DDI2: variants seen among roughly 807,000 people sequenced by gnomAD.
The protein encoded by DDI2 is DDI proteasomal shuttling factor 2, also known as protein DDI1 homolog 2.
A neutral mutation model predicts 48.1 loss-of-function variants in DDI2; 5 were observed. The ratio of observed to expected loss-of-function variants is 0.10; its 90% CI spans 0.05 to 0.22. The LOEUF is 0.22. Ranked by LOEUF, DDI2 falls within the 10% of genes least tolerant of loss-of-function variation. The pLI is 1.00. For synonymous variants in DDI2, 205 were observed against 183.6 expected, an observed-to-expected ratio of 1.12 and a Z score of -0.94; for missense variants, 285 against 506.2, an observed-to-expected ratio of 0.56 and a Z score of 4.19.
In DDI2 at chr1:15,630,475, A is replaced by G; in HGVS notation, c.419A>G (p.Asp140Gly). Residue 140 changes from aspartate (D) to glycine (G), a missense_variant, in exon 3 of 10, where the codon GAT (aspartate) becomes GGT (glycine). Physicochemically the swap from Asp to Gly is moderately conservative, Grantham distance 94. Coordinates refer to ENST00000480945, the MANE Select transcript of DDI2 (RefSeq NM_032341.5). ...QGLDNPALLR[D>G]MLLANPHELS... ...TTGGACAATCCAGCCTTGCTCCGAGATATGTTGCTGGCCAACCCGCATGAG... is the reference window on the plus strand; with the variant it reads ...TTGGACAATCCAGCCTTGCTCCGAGGTATGTTGCTGGCCAACCCGCATGAG... 1 of 1,614,156 alleles carries G rather than the reference A, an allele frequency of 6.2e-7. No individual in the cohort carries two copies. The highest frequency in any genetic ancestry group is 8.5e-7 in the Non-Finnish European group (1 of 1,180,038).
Position 15,625,054 on chromosome 1 carries a change from G to A in DDI2, c.139-1615G>A, listed in dbSNP as rs115280263. 8.7e-3 allele frequency among the ~76,000 whole-genome samples: 1,330 copies of A among 152,254 alleles called. 18 individuals are homozygous for A. The highest frequency in any genetic ancestry group is 0.029 in the African/African-American group (1,218 of 41,544). On this transcript the variant is annotated intron_variant, in intron 1 of 9. Coordinates refer to ENST00000480945, the MANE Select transcript of DDI2 (RefSeq NM_032341.5). ...CTCATTTTCCTGTTCTGTTCCTCAT[G>A]TCTATAAATTCTGAGAGCAGATATG... is the stretch of plus-strand genomic sequence containing the variant.
chr1:15,653,041 A>T lies in DDI2; in HGVS notation c.1183+1146A>T, dbSNP rs193147784. Among the ~76,000 whole-genome samples the T allele has an allele frequency of 3.8e-4, 58 of 152,028 alleles. 1 individual carries two copies. Among genetic ancestry groups the T allele is most frequent in the African/African-American group, 1.4e-3 (57 of 41,396 alleles). ...AAACATTCTGTTTTTTAGTATTTCA[A>T]CAGATTAAGAACAGCTCAGTCCATT... On this transcript the variant is annotated intron_variant, in intron 8 of 9. Transcript: ENST00000480945.
In DDI2 at chr1:15,667,456, A is replaced by G. The variant is rs1640471505; in HGVS notation, c.*7666A>G. 6.6e-6 allele frequency: 1 copy of G among 152,208 alleles called. No individual in the cohort carries two copies. Among genetic ancestry groups the G allele is most frequent in the African/African-American group, 2.4e-5 (1 of 41,450 alleles). The allele number at this position is 152,208 out of a possible 1,614,324, so 9.4% of individuals were successfully genotyped here. On this transcript the variant is annotated 3_prime_UTR_variant, in exon 10 of 10. Transcript: ENST00000480945. The stretch of plus-strand genomic sequence containing the variant: ...GAGTGTGCGGCAGCATCCTCCTCAC[A>G]TCCCTTTGTGAGCACGGCTGCTCCG...
chr1:15,651,732 A>G lies in DDI2; in HGVS notation c.1020A>G (p.Val340=). Residue 340 remains valine, a synonymous_variant, in exon 8 of 10, where the codon GTA becomes GTG. Transcript: ENST00000480945. ...GTTCCATCGACCTGAAGAAAAATGT[A>G]CTCGTGATCGGCACCACAGGCTCCC... is the stretch of plus-strand genomic sequence containing the variant. ...HQCSIDLKKN[V]LVIGTTGSQT... The G allele has an allele frequency of 1.9e-6, 3 of 1,609,894 alleles. No individual in the cohort carries two copies. Among genetic ancestry groups the G allele is most frequent in the African/African-American group, 2.7e-5 (2 of 74,776 alleles).
In DDI2 at chr1:15,660,826, C is replaced by T; in HGVS notation, c.*1036C>T. Reference sequence around the variant, plus strand: ...GCCCCCAGAAACTAATGTTGAAATACCTGGAACAAATAAAGAATATGGCCA... The same window carrying T: ...GCCCCCAGAAACTAATGTTGAAATATCTGGAACAAATAAAGAATATGGCCA... On this transcript the variant is annotated 3_prime_UTR_variant, in exon 10 of 10. Coordinates refer to ENST00000480945, the MANE Select transcript of DDI2 (RefSeq NM_032341.5). 6.2e-7 allele frequency: 1 copy of T among 1,614,104 alleles called. No homozygotes were observed. Among genetic ancestry groups the T allele is most frequent in the Non-Finnish European group, 8.5e-7 (1 of 1,180,018 alleles).
At position 15,665,529 on chromosome 1, in the gene DDI2, C is replaced by T. The variant is rs1368304636; in HGVS notation, c.*5739C>T. The T allele has an allele frequency of 2.0e-5, 3 of 152,124 alleles. No individual in the cohort carries two copies. Among genetic ancestry groups the T allele is most frequent in the Non-Finnish European group, 4.4e-5 (3 of 68,036 alleles). 9.4% of individuals were successfully genotyped at this position (152,124 alleles called of 1,614,324 possible). A position where few individuals can be genotyped will look rare whatever the true frequency, so the allele number is the denominator to read the frequency against. ...GAATCTGCTGGTTGTCTTACTACAG[C>T]TTTCTATCTCCGGTGAAAGCCATAA... On this transcript the variant is annotated 3_prime_UTR_variant, in exon 10 of 10. Coordinates refer to ENST00000480945, the MANE Select transcript of DDI2 (RefSeq NM_032341.5).
chr1:15,641,269 C>T (rs1640003872), intron 5 of DDI2, among the ~76,000 whole-genome samples: 1 of 151,660 alleles, frequency 6.6e-6, no homozygotes, highest in African/African-American at 2.4e-5. Flanking sequence ...GTCAGGAGTT[C>T]AAGACCAGCC....
chr1:15,653,708 G>C (rs1473064888), intron 8 of DDI2, among the ~76,000 whole-genome samples: 1 of 151,994 alleles, frequency 6.6e-6, no homozygotes, highest in African/African-American at 2.4e-5. Context: ...TGTTGCCCAG[G>C]CTGGTCTTGA....
rs1640451619 is a variant in DDI2 at position 15,666,318 on chromosome 1, A to C, written c.*6528A>C. ...TCAAATTTTGGTGGGGAATGAGAGG[A>C]GTATTAGGGGAAAGTTTGAAAATAG... On this transcript the variant is annotated 3_prime_UTR_variant, in exon 10 of 10. Coordinates refer to ENST00000480945, the MANE Select transcript of DDI2 (RefSeq NM_032341.5). 6.6e-6 allele frequency: 1 copy of C among 152,028 alleles called. No individual in the cohort carries two copies. Among genetic ancestry groups the C allele is most frequent in the Non-Finnish European group, 1.5e-5 (1 of 68,006 alleles). 9.4% of individuals were successfully genotyped at this position (152,028 alleles called of 1,614,324 possible). A position where few individuals can be genotyped will look rare whatever the true frequency, so the allele number is the denominator to read the frequency against.
In DDI2 at chr1:15,652,829, AAAT is replaced by A. The variant is rs540841550; in HGVS notation, c.1183+943_1183+945del. Among the ~76,000 whole-genome samples, 132 of 151,802 alleles carry A rather than the reference AAAT, an allele frequency of 8.7e-4. 1 individual carries two copies. In the South Asian group the frequency reaches 0.027, roughly 31 times the overall value. On this transcript the variant is annotated intron_variant, in intron 8 of 9. Coordinates refer to ENST00000480945, the MANE Select transcript of DDI2 (RefSeq NM_032341.5). ...GAGAGCGAGACTCCATCTCAAAAAA[AAAT>A]AATAATAAAAATTAAAAAAAAATTA... is the stretch of plus-strand genomic sequence containing the variant.
chr1:15,624,406 G>A (rs1220175013), intron 1 of DDI2, among the ~76,000 whole-genome samples: 1 of 152,144 alleles, frequency 6.6e-6, no homozygotes, highest in African/African-American at 2.4e-5. Flanking sequence ...TTAAATGAGG[G>A]TGTGTGAATG....
chr1:15,638,498 G>A (rs1639958516), intron 5 of DDI2, 64 bp downstream of exon 5: 7 of 1,560,722 alleles, frequency 4.5e-6, no homozygotes, highest in Non-Finnish European at 6.1e-6. Flanking sequence ...ACGGGAGAAG[G>A]GGAGGCTCAA....
chr1:15,637,897 T>C (rs537768778), intron 4 of DDI2, among the ~76,000 whole-genome samples: 1 of 152,254 alleles, frequency 6.6e-6, no homozygotes, highest in South Asian at 2.1e-4. Context: ...CGTTGAAATA[T>C]TTGTGTTTTC....
intron 4 of DDI2, 73 bp downstream of exon 4, chr1:15,633,638 G>A (rs917644203): frequency 6.3e-7 from 1 of 1,587,626 alleles, no homozygotes; most frequent in Non-Finnish European, 8.6e-7. Context: ...ATCTGACATT[G>A]GTTGGGCATC....
chr1:15,658,004 A>G (rs902951070), intron 9 of DDI2, among the ~76,000 whole-genome samples: 1 of 152,150 alleles, frequency 6.6e-6, no homozygotes, highest in Non-Finnish European at 1.5e-5. Flanking sequence ...AAGCCTTTTG[A>G]ATATAACTGC....
At chr1:15,654,165 GA>G (rs1640234385) in intron 8 of DDI2, among the ~76,000 whole-genome samples, 1 of 152,138 alleles carries the variant, frequency 6.6e-6, no homozygotes. Context: ...CAAGTTCAGG[GA>G]ATAGCTTTAT....
intron 5 of DDI2, among the ~76,000 whole-genome samples, chr1:15,641,193 C>T (rs1345152658): frequency 6.6e-6 from 1 of 152,048 alleles, no homozygotes; most frequent in African/African-American, 2.4e-5. Flanking sequence ...TGCTATTGGC[C>T]CAGTGCAGTG....
At chr1:15,618,251 C>CTTT (rs375538671) in intron 1 of DDI2, among the ~76,000 whole-genome samples, 12 of 129,238 alleles carry the variant, frequency 9.3e-5, no homozygotes, top group Admixed American at 1.6e-4. Context: ...TGTTCCTCTG[C>CTTT]TTTTTTTTTT....
At position 15,659,962 on chromosome 1, in the gene DDI2, T is replaced by A; in HGVS notation, c.*172T>A. On this transcript the variant is annotated 3_prime_UTR_variant, in exon 10 of 10. Coordinates refer to ENST00000480945, the MANE Select transcript of DDI2 (RefSeq NM_032341.5). ...TGGTAATCCTATGAGTCTTGCTCGCTCTGTCTCTGCTTCAGTCTGCCCTAT... is the reference window on the plus strand; with the variant it reads ...TGGTAATCCTATGAGTCTTGCTCGCACTGTCTCTGCTTCAGTCTGCCCTAT... 6.2e-7 allele frequency: 1 copy of A among 1,614,220 alleles called. No individual in the cohort carries two copies. Among genetic ancestry groups the A allele is most frequent in the South Asian group, 1.1e-5 (1 of 91,082 alleles).
Sources: allele counts gnomAD v4.1 joint callset (sites outside exome capture counted in the v4.1 genomes callset), GRCh38; gene constraint gnomAD v4.1.1; transcripts MANE v1.5; gene names NCBI Gene and HGNC (gene_info 2026-07-23, HGNC 2026-07-21).